The following GABRA3 variants were observed in gnomAD, a reference collection of about 807,000 sequenced individuals.
GABRA3 encodes gamma-aminobutyric acid type A receptor subunit alpha3, also known as gamma-aminobutyric acid receptor subunit alpha-3.
In GABRA3, 10 loss-of-function variants were observed where a neutral mutation model predicts 30.1. That is an observed-to-expected ratio of 0.33 (90% CI 0.20 to 0.56). The LOEUF is 0.56. GABRA3 is among the 20% of genes least tolerant of loss of function. The pLI, the probability that GABRA3 is intolerant of heterozygous loss-of-function variation, is 0.89. For synonymous variants in GABRA3, 151 were observed against 146.8 expected (o/e 1.03, Z -0.21); for missense variants, 233 against 392.0 (o/e 0.59, Z 3.42).
At chrX:152,259,668 G>A (rs1348608805) in intron 4 of GABRA3, among the ~76,000 whole-genome samples, 3 of 110,352 alleles carry the variant, frequency 2.7e-5, no homozygotes, top group Non-Finnish European at 3.8e-5. Context: ...AGGAAGGAAC[G>A]AACCCCGGCA....
intron 9 of GABRA3, among the ~76,000 whole-genome samples, chrX:152,177,335 G>A (rs185075420): frequency 5.4e-4 from 60 of 111,309 alleles, no homozygotes; most frequent in African/African-American, 1.9e-3. Context: ...AGGAGTAGGA[G>A]GATACGTCAA....
chrX:152,416,821 T>C (rs1462411075), intron 1 of GABRA3, among the ~76,000 whole-genome samples: 3 of 108,480 alleles, frequency 2.8e-5, no homozygotes, highest in Admixed American at 9.9e-5. Flanking sequence ...TGGCTAGCCA[T>C]ATGTAGAAAG....
chrX:152,420,971 C>CGA (rs1930357256), intron 1 of GABRA3, among the ~76,000 whole-genome samples: 2 of 109,588 alleles, frequency 1.8e-5, no homozygotes, highest in Non-Finnish European at 1.9e-5. Context: ...TTGTAAGTTT[C>CGA]CTGAGGCCTC....
chrX:152,358,232 C>A (rs2124489749), intron 2 of GABRA3, among the ~76,000 whole-genome samples: 1 of 110,942 alleles, frequency 9.0e-6, no homozygotes, highest in African/African-American at 3.3e-5. Flanking sequence ...TTTCTTTGAG[C>A]AGTGTGTTGT....
chrX:152,359,766 C>T (rs1928428463), intron 2 of GABRA3, among the ~76,000 whole-genome samples: 1 of 111,636 alleles, frequency 9.0e-6, no homozygotes, highest in African/African-American at 3.3e-5. Context: ...GTTCTCATTA[C>T]TTTCAAGAAA....
intron 6 of GABRA3, among the ~76,000 whole-genome samples, chrX:152,217,708 A>G (rs1385294088): frequency 9.1e-6 from 1 of 110,366 alleles, no homozygotes; most frequent in Non-Finnish European, 1.9e-5. Context: ...ATCAGTTTGT[A>G]TATTTCTATG....
chrX:152,262,121 C>T (rs1298931933), intron 4 of GABRA3, among the ~76,000 whole-genome samples: 1 of 112,138 alleles, frequency 8.9e-6, no homozygotes, highest in East Asian at 2.8e-4. Context: ...GCTGAAGCAA[C>T]TGAAGATGCA....
chrX:152,241,310 A>G (rs752549279), intron 5 of GABRA3, among the ~76,000 whole-genome samples: 47 of 56,290 alleles, frequency 8.3e-4, no homozygotes, highest in South Asian at 3.2e-3. Flanking sequence ...TAGGCTGCTC[A>G]GGGGTCAGGG....
intron 9 of GABRA3, among the ~76,000 whole-genome samples, chrX:152,181,013 C>T (rs1937138124): frequency 8.9e-6 from 1 of 111,852 alleles, no homozygotes; most frequent in African/African-American, 3.2e-5. Flanking sequence ...ATTGCTTTGA[C>T]ATTCAGAGTA....
At chrX:152,380,146 T>C (rs1023093240) in intron 1 of GABRA3, among the ~76,000 whole-genome samples, 9 of 112,037 alleles carry the variant, frequency 8.0e-5, no homozygotes, top group Non-Finnish European at 1.1e-4. Context: ...TTTTGAAATA[T>C]ACAATACATT....
intron 1 of GABRA3, among the ~76,000 whole-genome samples, chrX:152,400,710 G>A (rs981973193): frequency 2.7e-5 from 3 of 111,171 alleles, no homozygotes; most frequent in African/African-American, 9.8e-5. Context: ...TTACCCAGGT[G>A]GGTCCAATAT....
chrX:152,398,364 C>G (rs1311727275), intron 1 of GABRA3, among the ~76,000 whole-genome samples: 1 of 108,774 alleles, frequency 9.2e-6, no homozygotes, highest in African/African-American at 3.4e-5. Context: ...GATGACACAG[C>G]AGACCCTAAA....
At chrX:152,398,710 T>C (rs990701688) in intron 1 of GABRA3, among the ~76,000 whole-genome samples, 2 of 112,129 alleles carry the variant, frequency 1.8e-5, no homozygotes, top group African/African-American at 6.5e-5. Flanking sequence ...AATGTCAACA[T>C]AGGAAAATAC....
intron 4 of GABRA3, among the ~76,000 whole-genome samples, chrX:152,270,579 G>A (rs1164230598): frequency 9.0e-6 from 1 of 111,487 alleles, no homozygotes; most frequent in Admixed American, 9.5e-5. Context: ...GAAAGGCCAA[G>A]TGCAGTGGCT....
rs189811054 is a variant in GABRA3 at position 152,314,578 on chromosome X, G to T, written c.263-29843C>A. ...TCCTTTCTACAGCCCATCCCAACTG[G>T]TTGTTTTTGTTTCTTTGTCTCTGGA... On this transcript the variant is annotated intron_variant, in intron 3 of 9. Coordinates refer to ENST00000370314, the MANE Select transcript of GABRA3 (RefSeq NM_000808.4). 2.8e-3 allele frequency among the ~76,000 whole-genome samples: 313 copies of T among 111,688 alleles called. 1 individual carries two copies. Among genetic ancestry groups the T allele is most frequent in the Middle Eastern group, 0.014 (3 of 217 alleles).
rs1201591314 is a variant in GABRA3, at chrX:152,361,636, G to GT, written c.140+2794dup. On this transcript the variant is annotated intron_variant, in intron 2 of 9. Transcript: ENST00000370314. ...AACATGTGCTTAAGAATTTTTTGTG[G>GT]TTTTTTTTTTTGTCTGTTTGTTTGT... is the stretch of plus-strand genomic sequence containing the variant. 8.6e-3 allele frequency among the ~76,000 whole-genome samples: 872 copies of GT among 101,837 alleles called. 8 individuals carry two copies. Among genetic ancestry groups the GT allele is most frequent in the Middle Eastern group, 0.08 (16 of 201 alleles). 88.4% of individuals were successfully genotyped at this position (101,837 alleles called of 115,157 possible). A position where few individuals can be genotyped will look rare whatever the true frequency, so the allele number is the denominator to read the frequency against.
chrX:152,316,660 C>T (rs1035379698), intron 3 of GABRA3, among the ~76,000 whole-genome samples: 7 of 112,121 alleles, frequency 6.2e-5, no homozygotes, highest in Non-Finnish European at 1.1e-4. Context: ...GAGCAGATTT[C>T]TCAGCAGAAA....
intron 9 of GABRA3, among the ~76,000 whole-genome samples, chrX:152,181,536 T>C (rs960688035): frequency 7.3e-5 from 8 of 109,847 alleles, no homozygotes; most frequent in Admixed American, 5.9e-4. Flanking sequence ...ATGGATGAAA[T>C]TGGAAATCAT....
chrX:152,298,910 C>T (rs1460211437), intron 3 of GABRA3, among the ~76,000 whole-genome samples: 4 of 111,482 alleles, frequency 3.6e-5, no homozygotes, highest in South Asian at 3.8e-4. Flanking sequence ...TTTTAATGAT[C>T]GCCATTCTAA....
Sources: gnomAD v4.1 joint callset for allele counts (sites outside exome capture counted in the v4.1 genomes callset) on GRCh38, gnomAD v4.1.1 for gene constraint, MANE v1.5 for transcripts, NCBI Gene and HGNC (gene_info 2026-07-23, HGNC 2026-07-21) for gene names.